The following UNC93A variants were observed in gnomAD, a reference collection of about 807,000 sequenced individuals.
The protein encoded by UNC93A is unc-93 homolog A, also known as N-acetylglucosamine transporter UNC93A.
Under a neutral mutation model 47.5 loss-of-function variants are expected in UNC93A, and 43 were observed. The ratio of observed to expected loss-of-function variants is 0.91; its 90% CI spans 0.71 to 1.17. The LOEUF is 1.17. UNC93A is among the 50% of genes most tolerant of loss of function. The pLI is 0.00. For synonymous variants in UNC93A, 280 were observed against 258.0 expected (o/e 1.09, Z -0.82); for missense variants, 605 against 577.6 (o/e 1.05, Z -0.49).
intron 5 of UNC93A, 103 bp downstream of exon 5, chr6:167,304,236 C>T (rs1478039039): frequency 8.3e-6 from 11 of 1,318,602 alleles, no homozygotes; most frequent in African/African-American, 1.4e-5. Context: ...GCCACCTGCC[C>T]AGGGCTGGGG....
intron 4 of UNC93A, among the ~76,000 whole-genome samples, chr6:167,301,998 A>G (rs1778253717): frequency 6.6e-6 from 1 of 152,206 alleles, no homozygotes; most frequent in African/African-American, 2.4e-5. Context: ...CTTTCATACG[A>G]AATTTCACAA....
chr6:167,293,222 C>T (rs748649751), intron 1 of UNC93A, among the ~76,000 whole-genome samples: 19 of 152,160 alleles, frequency 1.2e-4, no homozygotes, highest in South Asian at 4.1e-4. Flanking sequence ...GATTGTCCCA[C>T]GCCCCGCCAG....
At chr6:167,279,558 C>T (rs536766719) in intron 1 of UNC93A, among the ~76,000 whole-genome samples, 30 of 152,156 alleles carry the variant, frequency 2.0e-4, no homozygotes, top group Admixed American at 6.6e-4. Flanking sequence ...AAGTAAAGAA[C>T]ATGCTGTACT....
chr6:167,272,528 G>A (rs1200479104), intron 1 of UNC93A, among the ~76,000 whole-genome samples: 1 of 152,220 alleles, frequency 6.6e-6, no homozygotes, highest in East Asian at 1.9e-4. Context: ...GAGAACATGT[G>A]CCCAAGGTGG....
upstream of UNC93A, among the ~76,000 whole-genome samples, chr6:167,289,132 A>G (rs537288916): frequency 6.6e-6 from 1 of 152,416 alleles, no homozygotes; most frequent in South Asian, 2.1e-4. Flanking sequence ...ACCAGCTCTG[A>G]GAGCCAAGCC....
Position 167,307,457 on chromosome 6 carries a change from G to A in UNC93A, c.977-322G>A, listed in dbSNP as rs73039068. ...GATGGTTGAGACAGTTCCAGAGGAC[G>A]GTTCCAGAGGACGGTTGAGATGGTT... is the stretch of plus-strand genomic sequence containing the variant. On this transcript the variant is annotated intron_variant, in intron 6 of 7. Transcript: ENST00000230256. Among the ~76,000 whole-genome samples the A allele has an allele frequency of 6.1e-3, 134 of 21,874 alleles. 4 individuals are homozygous for A. Among genetic ancestry groups the A allele is most frequent in the South Asian group, 0.031 (12 of 392 alleles). The allele number at this position is 21,874 out of a possible 152,430, so 14.4% of individuals were successfully genotyped here. A position where few individuals can be genotyped will look rare whatever the true frequency, so the allele number is the denominator to read the frequency against.
At chr6:167,277,011 C>T (rs60425049) in intron 1 of UNC93A, among the ~76,000 whole-genome samples, 1 of 152,110 alleles carries the variant, frequency 6.6e-6, no homozygotes, top group Non-Finnish European at 1.5e-5. Flanking sequence ...CCTCCTGGGA[C>T]TTGGCAAGCC....
chr6:167,292,187 T>A (rs1783856623), intron 1 of UNC93A, among the ~76,000 whole-genome samples: 2 of 152,200 alleles, frequency 1.3e-5, no homozygotes, highest in Non-Finnish European at 2.9e-5. Flanking sequence ...TCAAGTCTGA[T>A]CTTTACCTGG....
At chr6:167,304,539 A>C (rs1778328316) in intron 5 of UNC93A, among the ~76,000 whole-genome samples, 1 of 150,078 alleles carries the variant, frequency 6.7e-6, no homozygotes, top group African/African-American at 2.5e-5. Context: ...ATACCACCAA[A>C]ATTTCTTATC....
At chr6:167,306,936 C>T (rs1367774980) in intron 6 of UNC93A, among the ~76,000 whole-genome samples, 1 of 152,146 alleles carries the variant, frequency 6.6e-6, no homozygotes, top group African/African-American at 2.4e-5. Flanking sequence ...AAATTGGGGT[C>T]CCAAATCTGT....
At chr6:167,287,553 T>C (rs1423303023), upstream of UNC93A, among the ~76,000 whole-genome samples, 1 of 152,076 alleles carries the variant, frequency 6.6e-6, no homozygotes, top group East Asian at 1.9e-4. Context: ...CCCAGTACAT[T>C]AGGAAGGATG....
rs367740669 is a variant in UNC93A at position 167,303,887 on chromosome 6, T to C, written c.626-32T>C. 2.0e-4 allele frequency: 326 copies of C among 1,610,882 alleles called. 1 individual carries two copies. The highest frequency in any genetic ancestry group is 8.3e-4 in the Middle Eastern group (5 of 6,026). On this transcript the variant is annotated intron_variant, in intron 4 of 7. Transcript: ENST00000230256. ...CAGGCACCCTGCCTCTGGGCCCCCATGAAAGCTGAAGCCTTTGCTATGTCC... is the reference window on the plus strand; with the variant it reads ...CAGGCACCCTGCCTCTGGGCCCCCACGAAAGCTGAAGCCTTTGCTATGTCC...
intron 4 of UNC93A, chr6:167,298,437 C>T (rs1778151999): frequency 6.2e-6 from 1 of 160,632 alleles, no homozygotes; most frequent in Non-Finnish European, 1.4e-5. Flanking sequence ...TTACAGACAG[C>T]TTGGTGGCTG....
At chr6:167,309,329 C>T (rs1400759792) in intron 7 of UNC93A, among the ~76,000 whole-genome samples, 2 of 152,098 alleles carry the variant, frequency 1.3e-5, no homozygotes, top group African/African-American at 2.4e-5. Flanking sequence ...GGCCGCTTGC[C>T]GGAGGGTGTG....
At chr6:167,282,699 G>C (rs1783654023) in intron 1 of UNC93A, among the ~76,000 whole-genome samples, 1 of 152,162 alleles carries the variant, frequency 6.6e-6, no homozygotes, top group African/African-American at 2.4e-5. Context: ...TTTATTTTGA[G>C]CCAAATGTGA....
At chr6:167,303,855 T>G (rs1778307425) in intron 4 of UNC93A, 64 bp from the exon 5 acceptor site, 1 of 1,554,362 alleles carries the variant, frequency 6.4e-7, no homozygotes, top group Non-Finnish European at 8.9e-7. Context: ...CTGAAACAAA[T>G]CCTTGCCAGG....
intron 7 of UNC93A, among the ~76,000 whole-genome samples, chr6:167,308,352 G>A (rs1471248345): frequency 3.9e-5 from 6 of 152,154 alleles, no homozygotes; most frequent in Non-Finnish European, 7.4e-5. Context: ...ATGGGAGGTG[G>A]CAGTGTGAGC....
At chr6:167,288,382 T>G (rs1783777755), upstream of UNC93A, among the ~76,000 whole-genome samples, 1 of 152,010 alleles carries the variant, frequency 6.6e-6, no homozygotes, top group African/African-American at 2.4e-5. Flanking sequence ...TTAAGATGCT[T>G]TGGAACATTT....
At chr6:167,276,577 G>A (rs1783547170) in intron 1 of UNC93A, among the ~76,000 whole-genome samples, 1 of 152,126 alleles carries the variant, frequency 6.6e-6, no homozygotes, top group Non-Finnish European at 1.5e-5. Context: ...GACACACACT[G>A]TGCACAGTGG....
Sources: gnomAD v4.1 joint callset for allele counts (sites outside exome capture counted in the v4.1 genomes callset) on GRCh38, gnomAD v4.1.1 for gene constraint, MANE v1.5 for transcripts, NCBI Gene and HGNC (gene_info 2026-07-23, HGNC 2026-07-21) for gene names.